Variants in ZNF23 observed in about 807,000 individuals in gnomAD.
The protein encoded by ZNF23 is zinc finger protein 23, also known as kruppel-like zinc finger factor X31.
A neutral mutation model predicts 56.2 loss-of-function variants in ZNF23; 48 were observed. The observed-to-expected ratio is 0.85, with a 90% confidence interval of 0.68 to 1.09. ZNF23 has a LOEUF of 1.09. ZNF23 is among the 50% of genes least tolerant of loss of function. The probability of loss-of-function intolerance (pLI) is 0.00; values close to 1 mark genes in which losing one functional copy is unlikely to be tolerated. For missense variants in ZNF23, 805 were observed against 811.4 expected (o/e 0.99, Z 0.10); for synonymous variants, 266 against 283.3 (o/e 0.94, Z 0.61).
chr16:71,453,091 A>C, intron 4 of ZNF23, 152 bp downstream of exon 4: 1 of 518,710 alleles, frequency 1.9e-6, no homozygotes, highest in Non-Finnish European at 3.5e-6. Flanking sequence ...CAGAAAGATA[A>C]GGACTACCTA....
chr16:71,448,010 T>G lies in ZNF23; in HGVS notation c.*83A>C. 4 of 1,144,854 alleles carry G rather than the reference T, an allele frequency of 3.5e-6. No individual in the cohort carries two copies. In the South Asian group the frequency reaches 6.7e-5, roughly 19 times the overall value. 70.9% of individuals were successfully genotyped at this position (1,144,854 alleles called of 1,614,324 possible). On this transcript the variant is annotated 3_prime_UTR_variant, in exon 5 of 5. Transcript: ENST00000647773. ...AGACTCTGCCATATTCATGCCCTCT[T>G]GGAGGTTTTTCAATGGATGAATCTG...
chr16:71,448,102 T>C lies in ZNF23; in HGVS notation c.2052A>G (p.Gly684=), dbSNP rs2042909213. The C allele has an allele frequency of 6.3e-7, 1 of 1,582,702 alleles. No homozygotes were observed. The highest frequency in any genetic ancestry group is 8.6e-7 in the Non-Finnish European group (1 of 1,167,006). ...TATATCTTTCTCATTATTAGGATTT[T>C]CCTTCACTATGGACACTCTGATGCT... ...LSQHQSVHSE[G]KS The change falls in exon 5 of 5, where the codon GGA becomes GGG. Residue 684 remains glycine, a synonymous_variant. Transcript: ENST00000647773.
rs2042951310 is a variant in ZNF23, at chr16:71,448,996, T to C, written c.1158A>G (p.Lys386=). 1 of 1,614,180 alleles carries C rather than the reference T, an allele frequency of 6.2e-7. No individual in the cohort carries two copies. Among genetic ancestry groups the C allele is most frequent in the Non-Finnish European group, 8.5e-7 (1 of 1,180,024 alleles). ...EKPYECNECG[K]GFRCSSQLRQ... ...TAAGCTGGGAGCTGCACCTGAAGCC[T>C]TTTCCACATTCATTACATTCATAAG... The change falls in exon 5 of 5, where the codon AAA becomes AAG. Residue 386 remains lysine, a synonymous_variant. Transcript: ENST00000647773.
At chr16:71,454,459 C>T (rs1321149221) in intron 2 of ZNF23, among the ~76,000 whole-genome samples, 2 of 152,230 alleles carry the variant, frequency 1.3e-5, no homozygotes, top group Non-Finnish European at 2.9e-5. Flanking sequence ...GCCAACTCCA[C>T]TCTTTTAGAT....
intron 2 of ZNF23, among the ~76,000 whole-genome samples, chr16:71,455,189 A>G (rs916727347): frequency 9.2e-5 from 14 of 152,150 alleles, no homozygotes; most frequent in Non-Finnish European, 2.1e-4. Context: ...TAATGTCTTC[A>G]CTGTGTGCCG....
chr16:71,450,986 AT>A, intron 4 of ZNF23: 1 of 172,360 alleles, frequency 5.8e-6, no homozygotes, highest in South Asian at 1.1e-4. Flanking sequence ...TCCTTAGAAC[AT>A]TAACTGTGGG....
At chr16:71,450,734 T>C (rs1236440532) in intron 4 of ZNF23, 1 of 419,796 alleles carries the variant, frequency 2.4e-6, no homozygotes, top group Admixed American at 2.7e-5. Context: ...AAAAAAAAAG[T>C]GACAGTAGTG....
chr16:71,450,788 A>G, intron 4 of ZNF23: 1 of 384,736 alleles, frequency 2.6e-6, no homozygotes, highest in South Asian at 1.9e-5. Context: ...CATTCTTTTA[A>G]TCACACCATG....
intron 4 of ZNF23, 27 bp downstream of exon 4, chr16:71,453,216 A>T: frequency 6.5e-7 from 1 of 1,542,404 alleles, no homozygotes; most frequent in Non-Finnish European, 8.9e-7. Context: ...AAATTCCAAC[A>T]GAGTGGGAAA....
chr16:71,448,995 C>T lies in ZNF23; in HGVS notation c.1159G>A (p.Gly387Ser), dbSNP rs769681143. 4 of 1,614,026 alleles carry T rather than the reference C, an allele frequency of 2.5e-6. No individual in the cohort carries two copies. The African/African-American group carries it at 5.3e-5, about 22-fold the overall frequency. Reference protein sequence around the residue: ...KPYECNECGKGFRCSSQLRQH... With the variant: ...KPYECNECGKSFRCSSQLRQH... Reference sequence around the variant, plus strand: ...CTAAGCTGGGAGCTGCACCTGAAGCCTTTTCCACATTCATTACATTCATAA... The same window carrying T: ...CTAAGCTGGGAGCTGCACCTGAAGCTTTTTCCACATTCATTACATTCATAA... The change falls in exon 5 of 5, where the codon GGC becomes AGC. Residue 387 changes from glycine (G) to serine (S), a missense_variant. Physicochemically the swap from Gly to Ser is moderately conservative, Grantham distance 56 (BLOSUM62 0). Coordinates refer to ENST00000647773, the MANE Select transcript of ZNF23 (RefSeq NM_001381984.1).
intron 1 of ZNF23, among the ~76,000 whole-genome samples, chr16:71,460,427 GAACT>G (rs1942939369): frequency 6.6e-6 from 1 of 152,110 alleles, no homozygotes; most frequent in Non-Finnish European, 1.5e-5. Context: ...GGCCAGTGAA[GAACT>G]AACTCTCACA....
At chr16:71,454,199 C>T (rs1567562580) in intron 2 of ZNF23, 31 bp from the exon 3 acceptor site, 2 of 1,603,132 alleles carry the variant, frequency 1.2e-6, no homozygotes, top group Non-Finnish European at 1.7e-6. Flanking sequence ...TGCCCTAGGG[C>T]CAATTCCATA....
chr16:71,450,912 G>A (rs569282335), intron 4 of ZNF23: 4 of 189,036 alleles, frequency 2.1e-5, no homozygotes, highest in Non-Finnish European at 4.5e-5. Context: ...ACAGAATATG[G>A]CAACTTGGAA....
At chr16:71,453,920 A>G in intron 3 of ZNF23, 122 bp downstream of exon 3, 1 of 1,204,298 alleles carries the variant, frequency 8.3e-7, no homozygotes, top group Non-Finnish European at 1.2e-6. Flanking sequence ...TAGATTAGGA[A>G]CAGCTCTGGG....
intron 2 of ZNF23, 175 bp downstream of exon 2, chr16:71,456,589 C>T: frequency 3.6e-6 from 2 of 555,506 alleles, no homozygotes; most frequent in Non-Finnish European, 4.6e-6. Context: ...TCTCCCGCTT[C>T]CTCCACTCGC....
intron 1 of ZNF23, among the ~76,000 whole-genome samples, chr16:71,459,149 T>C (rs952380732): frequency 6.6e-6 from 1 of 152,246 alleles, no homozygotes; most frequent in African/African-American, 2.4e-5. Context: ...CTACATCACC[T>C]ATGCCTGGTT....
intron 1 of ZNF23, among the ~76,000 whole-genome samples, chr16:71,459,022 A>C (rs970495932): frequency 6.6e-6 from 1 of 152,216 alleles, no homozygotes; most frequent in African/African-American, 2.4e-5. Context: ...TTGTTCCTTC[A>C]GCTCTGTAAG....
chr16:71,448,295 C>T lies in ZNF23; in HGVS notation c.1859G>A (p.Arg620Gln), dbSNP rs770914733. The part of the protein sequence containing the change: ...KAFHVNAHLI[R>Q]HQRSHTGEKP... ...CTCCCCAGTGTGGCTTCTCTGATGC[C>T]GAATTAAATGGGCATTAACATGGAA... Residue 620 changes from arginine (R) to glutamine (Q), a missense_variant, in exon 5 of 5, where the codon CGG becomes CAG. Physicochemically the swap from Arg to Gln is conservative, Grantham distance 43. Transcript: ENST00000647773. 5.0e-6 allele frequency: 8 copies of T among 1,612,996 alleles called. No homozygotes were observed. Among genetic ancestry groups the T allele is most frequent in the Non-Finnish European group, 5.1e-6 (6 of 1,179,710 alleles).
chr16:71,450,443 G>A (rs964016132), intron 4 of ZNF23: 3 of 220,186 alleles, frequency 1.4e-5, no homozygotes, highest in African/African-American at 7.1e-5. Context: ...TGACAGCTGG[G>A]CACGGTAGCT....
Sources: gnomAD v4.1 joint callset for allele counts (sites outside exome capture counted in the v4.1 genomes callset) on GRCh38, gnomAD v4.1.1 for gene constraint, MANE v1.5 for transcripts, NCBI Gene and HGNC (gene_info 2026-07-23, HGNC 2026-07-21) for gene names.